The following LRRC7 variants were observed in gnomAD, a reference collection of about 807,000 sequenced individuals.
LRRC7 encodes leucine rich repeat containing 7.
In LRRC7, 23 loss-of-function variants were observed where a neutral mutation model predicts 175.7. The ratio of observed to expected loss-of-function variants is 0.13; its 90% confidence interval spans 0.09 to 0.19. The LOEUF (loss-of-function observed/expected upper bound fraction) is 0.19, where lower values mean the gene tolerates loss of function less well. Among genes scored for constraint, LRRC7 ranks in the 10% least tolerant of loss-of-function variants. The pLI is 1.00. For synonymous variants in LRRC7, 685 were observed against 680.9 expected (o/e 1.01, Z -0.09); for missense variants, 1,354 against 1,904.7 (o/e 0.71, Z 5.38).
chr1:69,670,812 A>G lies in LRRC7; in HGVS notation c.3-7569A>G, dbSNP rs191653411. ...CCATCTCCACAGACCCATGGGGATT[A>G]GTGATAGGCTACCATCAATATTCCC... On this transcript the variant is annotated intron_variant, in intron 1 of 26. Transcript: ENST00000651989. Among the ~76,000 whole-genome samples the G allele has an allele frequency of 1.7e-3, 266 of 152,236 alleles. 1 individual carries two copies. Among genetic ancestry groups the G allele is most frequent in the African/African-American group, 6.1e-3 (255 of 41,556 alleles).
At chr1:69,636,187 T>C (rs1653326673) in intron 1 of LRRC7, among the ~76,000 whole-genome samples, 1 of 152,052 alleles carries the variant, frequency 6.6e-6, no homozygotes, top group Admixed American at 6.6e-5. Flanking sequence ...TGGCCAGATT[T>C]GTGTTTTCAG....
At chr1:69,917,012 G>A (rs1166916282) in intron 7 of LRRC7, among the ~76,000 whole-genome samples, 27 of 152,062 alleles carry the variant, frequency 1.8e-4, no homozygotes. Flanking sequence ...ACAGGCAGGA[G>A]CAACAGCAAT....
At position 70,038,269 on chromosome 1, in the gene LRRC7, A is replaced by C. The variant is rs1659519783; in HGVS notation, c.2445A>C (p.Thr815=). The change falls in exon 21 of 27, where the codon ACA becomes ACC. Residue 815 remains threonine (T), a synonymous_variant. Coordinates refer to ENST00000651989, the MANE Select transcript of LRRC7 (RefSeq NM_001370785.2). ...CTGATGGCTCGCATTATGACAACAC[A>C]GGGTTTGTTGCTGAGGAAACCACAG... The part of the protein sequence containing the change: ...NWTDGSHYDN[T]GFVAEETTAE... 1 of 1,614,176 alleles carries C rather than the reference A, an allele frequency of 6.2e-7. No individual in the cohort carries two copies. Among genetic ancestry groups the C allele is most frequent in the Non-Finnish European group, 8.5e-7 (1 of 1,180,012 alleles).
At chr1:69,846,129 A>G (rs1202839926) in intron 7 of LRRC7, among the ~76,000 whole-genome samples, 1 of 152,154 alleles carries the variant, frequency 6.6e-6, no homozygotes, top group East Asian at 1.9e-4. Flanking sequence ...TTCTATATTT[A>G]AAAGTATTCT....
At chr1:69,788,230 C>A (rs1674715804) in intron 3 of LRRC7, among the ~76,000 whole-genome samples, 1 of 152,166 alleles carries the variant, frequency 6.6e-6, no homozygotes. Context: ...TCCACCAGAA[C>A]AAAAGCTAAA....
At chr1:69,880,486 G>C (rs942360079) in intron 7 of LRRC7, among the ~76,000 whole-genome samples, 8 of 152,160 alleles carry the variant, frequency 5.3e-5, no homozygotes, top group Non-Finnish European at 8.8e-5. Flanking sequence ...ATACCAGTAA[G>C]AAGTGCTGTG....
chr1:69,984,977 A>G (rs1238386334), intron 9 of LRRC7, among the ~76,000 whole-genome samples: 2 of 152,150 alleles, frequency 1.3e-5, no homozygotes, highest in Non-Finnish European at 2.9e-5. Context: ...CAAACATAGC[A>G]TGCTTCGTCA....
rs920562879 is a variant in LRRC7 at position 70,137,238 on chromosome 1, T to A, written c.*15351T>A. On this transcript the variant is annotated 3_prime_UTR_variant, in exon 27 of 27. Transcript: ENST00000651989. ...GCTTTTCACTTTTCTTGACTCTGTC[T>A]TTCCAAGGAGTAACCCTTTTGGGTC... 5.3e-5 allele frequency among the ~76,000 whole-genome samples: 8 copies of A among 152,174 alleles called. No individual in the cohort carries two copies. The highest frequency in any genetic ancestry group is 1.9e-4 in the African/African-American group (8 of 41,434).
intron 1 of LRRC7, among the ~76,000 whole-genome samples, chr1:69,572,816 T>G (rs1217447567): frequency 6.6e-6 from 1 of 151,850 alleles, no homozygotes; most frequent in Non-Finnish European, 1.5e-5. Flanking sequence ...TTTAGAAGAG[T>G]GAAGTATAAA....
At chr1:69,749,155 G>A (rs1249011868) in intron 2 of LRRC7, among the ~76,000 whole-genome samples, 1 of 152,154 alleles carries the variant, frequency 6.6e-6, no homozygotes, top group African/African-American at 2.4e-5. Context: ...AGACAAAAAT[G>A]TCAAGACAGA....
At chr1:69,858,510 A>G (rs1683986170) in intron 7 of LRRC7, among the ~76,000 whole-genome samples, 1 of 152,116 alleles carries the variant, frequency 6.6e-6, no homozygotes, top group Non-Finnish European at 1.5e-5. Flanking sequence ...CAATATTAGC[A>G]TACTAGAAGG....
At chr1:69,925,061 G>A (rs1018427638) in intron 7 of LRRC7, among the ~76,000 whole-genome samples, 1 of 152,102 alleles carries the variant, frequency 6.6e-6, no homozygotes, top group Non-Finnish European at 1.5e-5. Context: ...AGATAATCAT[G>A]TGGTTTTTGT....
chr1:69,963,311 A>C (rs1570821874), intron 8 of LRRC7, among the ~76,000 whole-genome samples: 1 of 151,268 alleles, frequency 6.6e-6, no homozygotes, highest in Non-Finnish European at 1.5e-5. Context: ...GTCTCAAAAA[A>C]AAAAAAAAGA....
At chr1:70,104,167 T>C (rs1664990028) in intron 25 of LRRC7, among the ~76,000 whole-genome samples, 1 of 152,206 alleles carries the variant, frequency 6.6e-6, no homozygotes, top group Non-Finnish European at 1.5e-5. Flanking sequence ...TTTCTAATTT[T>C]TAGAATACAA....
chr1:69,569,906 C>CA (rs71071364), intron 1 of LRRC7, among the ~76,000 whole-genome samples: 2,199 of 87,058 alleles, frequency 0.025, 38 homozygotes, highest in East Asian at 0.042. Context: ...AAAGGAATTA[C>CA]AAAAAAAAAA....
In LRRC7 at chr1:69,631,874, G is replaced by A. The variant is rs540474278; in HGVS notation, c.3-46507G>A. On this transcript the variant is annotated intron_variant, in intron 1 of 26. Coordinates refer to ENST00000651989, the MANE Select transcript of LRRC7 (RefSeq NM_001370785.2). The stretch of plus-strand genomic sequence containing the variant: ...GTCTGTTTTCAACTCTCTTGCCAGA[G>A]TATACATCTTAATCTTAAATCTGAT... Among the ~76,000 whole-genome samples the A allele has an allele frequency of 9.2e-5, 14 of 152,122 alleles. No homozygotes were observed. The South Asian group carries it at 1.7e-3, about 18-fold the overall frequency.
At chr1:70,058,166 C>T (rs746976415) in intron 23 of LRRC7, among the ~76,000 whole-genome samples, 16 of 151,992 alleles carry the variant, frequency 1.1e-4, no homozygotes, top group East Asian at 1.9e-4. Flanking sequence ...TTCACCACCA[C>T]GCCTGGCTAA....
At chr1:69,874,494 T>A (rs1685865372) in intron 7 of LRRC7, 1 of 152,138 alleles carries the variant, frequency 6.6e-6, no homozygotes, top group Admixed American at 6.6e-5. Context: ...TTACAATGAT[T>A]GTGTTGGAGC....
chr1:69,907,050 G>A (rs1295211570), intron 7 of LRRC7, among the ~76,000 whole-genome samples: 1 of 151,788 alleles, frequency 6.6e-6, no homozygotes, highest in Non-Finnish European at 1.5e-5. Context: ...CTCATGATTT[G>A]GCTCTCTGTT....
Sources: gnomAD v4.1 joint callset for allele counts (sites outside exome capture counted in the v4.1 genomes callset) on GRCh38, gnomAD v4.1.1 for gene constraint, MANE v1.5 for transcripts, NCBI Gene and HGNC (gene_info 2026-07-23, HGNC 2026-07-21) for gene names.